DNAH5: variants seen among roughly 807,000 people sequenced by gnomAD.
DNAH5 encodes dynein axonemal heavy chain 5, also known as axonemal beta dynein heavy chain 5.
In DNAH5, 372 loss-of-function variants were observed where a neutral mutation model predicts 518.2. That is an observed-to-expected ratio of 0.72 (90% CI 0.66 to 0.78). DNAH5 has a LOEUF of 0.78. DNAH5 is among the 30% of genes least tolerant of loss of function. DNAH5 has a pLI of 0.00. For synonymous variants in DNAH5, 2,039 were observed against 2,025.9 expected (o/e 1.01, Z -0.17); for missense variants, 5,523 against 5,687.0 (o/e 0.97, Z 0.93).
At chr5:13,887,670 C>G (rs780867864) in intron 17 of DNAH5, among the ~76,000 whole-genome samples, 1 of 152,218 alleles carries the variant, frequency 6.6e-6, no homozygotes, top group East Asian at 1.9e-4. Context: ...TTCTCAAGGT[C>G]TCTTCACCCT....
chr5:13,830,881 A>T, intron 35 of DNAH5, 106 bp from the exon 36 acceptor site: 1 of 1,058,654 alleles, frequency 9.4e-7, no homozygotes, highest in Non-Finnish European at 1.4e-6. Flanking sequence ...ACAAAAGGCC[A>T]TTGTCCCTAC....
chr5:13,875,874 C>T (rs903767060), intron 22 of DNAH5, among the ~76,000 whole-genome samples: 1 of 152,098 alleles, frequency 6.6e-6, no homozygotes, highest in African/African-American at 2.4e-5. Flanking sequence ...ATAATATTTC[C>T]TCACATTGTT....
intron 61 of DNAH5, among the ~76,000 whole-genome samples, 181 bp from the exon 62 acceptor site, chr5:13,754,519 C>T (rs564843118): frequency 2.6e-5 from 4 of 152,246 alleles, no homozygotes; most frequent in South Asian, 4.1e-4. Context: ...CTCCTTTGCC[C>T]TGTCCTCTCT....
intron 38 of DNAH5, among the ~76,000 whole-genome samples, chr5:13,827,731 A>C (rs980144559): frequency 6.6e-6 from 1 of 151,934 alleles, no homozygotes; most frequent in Non-Finnish European, 1.5e-5. Flanking sequence ...TTCCCACCCA[A>C]ATCTCATCCC....
chr5:13,758,126 G>T (rs1425882755), intron 61 of DNAH5, among the ~76,000 whole-genome samples: 1 of 150,862 alleles, frequency 6.6e-6, no homozygotes, highest in African/African-American at 2.4e-5. Context: ...AAAGTGACAA[G>T]ATCCTGGTTA....
chr5:13,900,537 G>A (rs1580805788), intron 14 of DNAH5, 125 bp from the exon 15 acceptor site: 1 of 805,884 alleles, frequency 1.2e-6, no homozygotes, highest in Middle Eastern at 3.4e-4. Flanking sequence ...CCTAAATTAA[G>A]GGCAATAAGA....
intron 47 of DNAH5, among the ~76,000 whole-genome samples, chr5:13,801,685 C>T (rs1296562346): frequency 6.6e-6 from 1 of 152,144 alleles, no homozygotes; most frequent in Non-Finnish European, 1.5e-5. Flanking sequence ...AATGAGCTTT[C>T]TAAAGGGCAA....
chr5:13,748,605 A>G, intron 65 of DNAH5, among the ~76,000 whole-genome samples: 1 of 152,146 alleles, frequency 6.6e-6, no homozygotes, highest in East Asian at 1.9e-4. Context: ...ATCCCTTGTA[A>G]GTTGGATTCC....
chr5:13,863,067 T>C (rs1394170978), intron 28 of DNAH5, among the ~76,000 whole-genome samples: 1 of 152,190 alleles, frequency 6.6e-6, no homozygotes, highest in Non-Finnish European at 1.5e-5. Flanking sequence ...CTTTAATCAC[T>C]GATTCAAAAT....
intron 47 of DNAH5, among the ~76,000 whole-genome samples, chr5:13,806,697 G>A (rs1580344358): frequency 6.6e-6 from 1 of 152,052 alleles, no homozygotes; most frequent in African/African-American, 2.4e-5. Context: ...TGACATTTAG[G>A]ATTTCCTCCT....
chr5:13,724,930 C>T (rs1745524136), intron 70 of DNAH5, among the ~76,000 whole-genome samples: 1 of 152,218 alleles, frequency 6.6e-6, no homozygotes, highest in African/African-American at 2.4e-5. Context: ...AACCTCTTTT[C>T]TTTATAAATT....
intron 25 of DNAH5, among the ~76,000 whole-genome samples, chr5:13,866,603 C>G (rs1479883830): frequency 1.3e-5 from 2 of 152,152 alleles, no homozygotes; most frequent in Non-Finnish European, 2.9e-5. Context: ...TGCTTTTCAG[C>G]TAAATGCTAA....
At position 13,817,574 on chromosome 5, in the gene DNAH5, C is replaced by T. The variant is rs2151807051; in HGVS notation, c.6962G>A (p.Trp2321Ter). ...TTTCTTTGCTCTTAATGTTTTCCTCCAAAGCGTAGAAAATATCCCATCAGT... is the reference window on the plus strand; with the variant it reads ...TTTCTTTGCTCTTAATGTTTTCCTCTAAAGCGTAGAAAATATCCCATCAGT... ...DWTDGIFSTL[W>*]RKTLRAKKGE... is the part of the protein sequence containing the mutation. Residue 2321 changes from tryptophan (W) to a stop codon, truncating the protein, a stop_gained, in exon 42 of 79, where the codon TGG becomes TAG. Coordinates refer to ENST00000265104, the MANE Select transcript of DNAH5 (RefSeq NM_001369.3). LOFTEE classifies it high-confidence loss of function. The T allele has an allele frequency of 1.9e-6, 3 of 1,614,098 alleles. No individual in the cohort carries two copies. In the South Asian group the frequency reaches 3.3e-5, roughly 18 times the overall value.
intron 1 of DNAH5, among the ~76,000 whole-genome samples, chr5:13,969,528 G>T (rs754500618): frequency 2.0e-4 from 31 of 152,112 alleles, no homozygotes; most frequent in Non-Finnish European, 3.2e-4. Context: ...TCACTTCAAT[G>T]AATTTTTTAA....
intron 63 of DNAH5, 66 bp downstream of exon 63, chr5:13,753,167 G>T: frequency 1.6e-6 from 2 of 1,223,452 alleles, no homozygotes; most frequent in Non-Finnish European, 2.4e-6. Context: ...CTTTACTCTT[G>T]GATTTTTGTT....
chr5:13,779,469 C>T (rs1287618238), intron 53 of DNAH5, among the ~76,000 whole-genome samples: 1 of 152,182 alleles, frequency 6.6e-6, no homozygotes, highest in Non-Finnish European at 1.5e-5. Context: ...GACAGGTCAG[C>T]AGCATGTTCT....
intron 1 of DNAH5, among the ~76,000 whole-genome samples, chr5:13,958,706 G>C (rs541236980): frequency 6.6e-6 from 1 of 152,242 alleles, no homozygotes; most frequent in African/African-American, 2.4e-5. Context: ...AAATCTGTTA[G>C]AACTACAGGT....
intron 47 of DNAH5, among the ~76,000 whole-genome samples, chr5:13,800,617 T>C (rs1469795701): frequency 6.6e-6 from 1 of 152,184 alleles, no homozygotes; most frequent in Non-Finnish European, 1.5e-5. Flanking sequence ...CCCCTTAAAT[T>C]GCCTTCCCTG....
At chr5:13,945,236 G>A (rs1396242031), upstream of DNAH5, among the ~76,000 whole-genome samples, 1 of 152,228 alleles carries the variant, frequency 6.6e-6, no homozygotes, top group East Asian at 1.9e-4. Flanking sequence ...TGCTTTGAGA[G>A]ATCTCTCATG....
Sources: allele counts gnomAD v4.1 joint callset (sites outside exome capture counted in the v4.1 genomes callset), GRCh38; gene constraint gnomAD v4.1.1; transcripts MANE v1.5; gene names NCBI Gene and HGNC (gene_info 2026-07-23, HGNC 2026-07-21).